ZFAT: variants seen among roughly 807,000 people sequenced by gnomAD.
ZFAT encodes zinc finger protein ZFAT.
ZFAT carries 64 observed loss-of-function variants against 117.7 expected under a neutral mutation model. The ratio of observed to expected loss-of-function variants is 0.54; its 90% CI spans 0.44 to 0.67. The LOEUF (loss-of-function observed/expected upper bound fraction) is 0.67. Ranked by LOEUF, ZFAT falls within the 30% of genes least tolerant of loss-of-function variation. The pLI is 0.00. For synonymous variants in ZFAT, 679 were observed against 615.0 expected, an observed-to-expected ratio of 1.10 and a Z score of -1.54; for missense variants, 1,433 against 1,584.5, an observed-to-expected ratio of 0.90 and a Z score of 1.62.
chr8:134,540,131 G>A (rs926530743), intron 11 of ZFAT, among the ~76,000 whole-genome samples: 4 of 152,178 alleles, frequency 2.6e-5, no homozygotes, highest in African/African-American at 7.2e-5. Context: ...ACTGAACACA[G>A]CCATAGAAAG....
intron 3 of ZFAT, among the ~76,000 whole-genome samples, chr8:134,632,666 A>G (rs911002278): frequency 2.0e-5 from 3 of 152,254 alleles, no homozygotes; most frequent in Non-Finnish European, 2.9e-5. Flanking sequence ...ATTTGACAAT[A>G]CGATACAAAC....
At chr8:134,684,795 G>A (rs997321973) in intron 1 of ZFAT, among the ~76,000 whole-genome samples, 2 of 152,200 alleles carry the variant, frequency 1.3e-5, no homozygotes, top group African/African-American at 4.8e-5. Context: ...TGGTAAGTGT[G>A]GCAGGTGTGG....
chr8:134,488,815 C>T (rs150727949), intron 15 of ZFAT, among the ~76,000 whole-genome samples: 1 of 152,190 alleles, frequency 6.6e-6, no homozygotes, highest in Non-Finnish European at 1.5e-5. Flanking sequence ...TGGTCTGTAA[C>T]ACTGTGGGAT....
chr8:134,769,917 G>A, the ZFAT span, among the ~76,000 whole-genome samples: 2 of 152,242 alleles, frequency 1.3e-5, no homozygotes, highest in Non-Finnish European at 2.9e-5. Flanking sequence ...CACAGCCTGA[G>A]CTCTATGTTG....
rs531744957 is a variant in ZFAT at position 134,600,442 on chromosome 8, T to A, written c.2469A>T (p.Thr823=). 1.2e-6 allele frequency: 2 copies of A among 1,614,168 alleles called. No homozygotes were observed. Among genetic ancestry groups the A allele is most frequent in the Non-Finnish European group, 1.7e-6 (2 of 1,179,986 alleles). Residue 823 remains threonine, a synonymous_variant, in exon 7 of 16, where the codon ACA becomes ACT. Transcript: ENST00000377838. The part of the protein sequence containing the change: ...YKLQAHLKVH[T]ALDKRSYSCP... ...GCTTGGGCTTGCTACTTACCAGTGC[T>A]GTGTGAACTTTAAGATGTGCCTGTA...
chr8:134,550,384 C>T (rs1481424733), intron 11 of ZFAT, among the ~76,000 whole-genome samples: 1 of 144,142 alleles, frequency 6.9e-6, no homozygotes, highest in African/African-American at 2.5e-5. Context: ...ATATCATTTA[C>T]GAAGCACAAA....
intron 15 of ZFAT, among the ~76,000 whole-genome samples, chr8:134,495,911 CAG>C (rs1818400871): frequency 6.6e-6 from 1 of 151,864 alleles, no homozygotes; most frequent in South Asian, 2.1e-4. Context: ...GCCTTGGTGA[CAG>C]AGTGAGACCC....
At chr8:134,491,165 A>C (rs191663052) in intron 15 of ZFAT, among the ~76,000 whole-genome samples, 4 of 152,386 alleles carry the variant, frequency 2.6e-5, no homozygotes, top group African/African-American at 7.2e-5. Flanking sequence ...ACTGTTTCAC[A>C]TGTAAACACA....
the ZFAT span, among the ~76,000 whole-genome samples, chr8:134,826,241 T>TA: frequency 6.6e-6 from 1 of 152,164 alleles, no homozygotes; most frequent in Admixed American, 6.5e-5. Context: ...AAAAATAAAT[T>TA]ACATCACCTG....
chr8:134,748,221 A>G, the ZFAT span, among the ~76,000 whole-genome samples: 14 of 152,290 alleles, frequency 9.2e-5, 1 homozygote, highest in East Asian at 1.2e-3. Flanking sequence ...TGCTTTAATA[A>G]CAACCCCCTC....
chr8:134,810,182 T>C, the ZFAT span, among the ~76,000 whole-genome samples: 1 of 152,134 alleles, frequency 6.6e-6, no homozygotes, highest in African/African-American at 2.4e-5. Flanking sequence ...TCCTGGAGGG[T>C]AGCACTATAT....
intron 1 of ZFAT, among the ~76,000 whole-genome samples, chr8:134,707,998 A>G (rs1813850684): frequency 6.6e-6 from 1 of 151,408 alleles, no homozygotes. Flanking sequence ...ACACAACGGA[A>G]TATTATTCAG....
At chr8:134,635,278 A>G (rs1051974468) in intron 3 of ZFAT, among the ~76,000 whole-genome samples, 1 of 152,232 alleles carries the variant, frequency 6.6e-6, no homozygotes, top group Non-Finnish European at 1.5e-5. Flanking sequence ...TCAAACCCAG[A>G]GCTTGACCTG....
chr8:134,575,524 C>G (rs1021990381), intron 10 of ZFAT, among the ~76,000 whole-genome samples: 4 of 152,214 alleles, frequency 2.6e-5, no homozygotes, highest in African/African-American at 9.6e-5. Context: ...GATTTTAGAT[C>G]GCTGACCTCC....
rs549665045 is a variant in ZFAT, at chr8:134,481,657, G to A, written c.3493-2936C>T. 7.5e-4 allele frequency among the ~76,000 whole-genome samples: 114 copies of A among 152,306 alleles called. 1 individual carries two copies. In the South Asian group the frequency reaches 0.023, roughly 31 times the overall value. On this transcript the variant is annotated intron_variant, in intron 15 of 15. Transcript: ENST00000377838. ...CAGCGGCTGCAGCCTCCTGTCCCCT[G>A]GCAGCACAGGGGACAGACTCCAAGT... is the stretch of plus-strand genomic sequence containing the variant.
At chr8:134,587,851 T>C (rs1304047756) in intron 9 of ZFAT, among the ~76,000 whole-genome samples, 2 of 152,246 alleles carry the variant, frequency 1.3e-5, no homozygotes, top group South Asian at 2.1e-4. Flanking sequence ...AACTACTTGC[T>C]GCCCTCCTTC....
At chr8:134,787,267 C>T in the ZFAT span, among the ~76,000 whole-genome samples, 1 of 152,174 alleles carries the variant, frequency 6.6e-6, no homozygotes, top group South Asian at 2.1e-4. Flanking sequence ...TAGTTGCCTA[C>T]CCCAAAACAT....
chr8:134,716,762 T>C (rs1231586274), upstream of ZFAT, among the ~76,000 whole-genome samples: 1 of 152,198 alleles, frequency 6.6e-6, no homozygotes, highest in Non-Finnish European at 1.5e-5. Context: ...ACATTGTATA[T>C]GCAAAAATAG....
At chr8:134,479,154 C>T (rs546182030) in intron 15 of ZFAT, among the ~76,000 whole-genome samples, 2 of 152,294 alleles carry the variant, frequency 1.3e-5, no homozygotes, top group East Asian at 1.9e-4. Context: ...AAAGGCACTA[C>T]GTCTATCCTG....
Sources: gnomAD v4.1 joint callset for allele counts (sites outside exome capture counted in the v4.1 genomes callset) on GRCh38, gnomAD v4.1.1 for gene constraint, MANE v1.5 for transcripts, NCBI Gene and HGNC (gene_info 2026-07-23, HGNC 2026-07-21) for gene names.